CNTN4: variants seen among roughly 807,000 people sequenced by gnomAD.
CNTN4 encodes the protein contactin-4.
CNTN4 carries 77 observed loss-of-function variants against 122.5 expected under a neutral mutation model. The observed-to-expected ratio is 0.63, with a 90% CI of 0.52 to 0.76. The LOEUF is 0.76. Ranked by LOEUF, CNTN4 falls within the 30% of genes least tolerant of loss-of-function variation. The pLI is 0.00. For missense variants in CNTN4, 1,256 were observed against 1,259.1 expected (o/e 1.00, Z 0.04); for synonymous variants, 512 against 447.0 (o/e 1.15, Z -1.83).
intron 17 of CNTN4, among the ~76,000 whole-genome samples, chr3:3,035,221 T>C (rs773084411): frequency 2.6e-5 from 4 of 151,028 alleles, no homozygotes; most frequent in Non-Finnish European, 5.9e-5. Flanking sequence ...GGTGGGAGGA[T>C]TGCTTGAGCC....
chr3:2,837,648 G>C (rs2093257977), intron 7 of CNTN4, among the ~76,000 whole-genome samples: 1 of 152,176 alleles, frequency 6.6e-6, no homozygotes, highest in African/African-American at 2.4e-5. Flanking sequence ...TATGCTAAGA[G>C]GGCTAGTTCA....
chr3:2,966,628 T>A (rs1259206475), intron 13 of CNTN4, among the ~76,000 whole-genome samples: 1 of 152,124 alleles, frequency 6.6e-6, no homozygotes, highest in Non-Finnish European at 1.5e-5. Flanking sequence ...AGCACAAAAT[T>A]TGAATGTTCC....
chr3:2,258,138 G>A (rs540032421), intron 2 of CNTN4, among the ~76,000 whole-genome samples: 1 of 152,310 alleles, frequency 6.6e-6, no homozygotes, highest in Admixed American at 6.5e-5. Context: ...CTTTTACACT[G>A]TTGGTGGGAG....
At chr3:2,340,308 C>G (rs763254097) in intron 3 of CNTN4, among the ~76,000 whole-genome samples, 2 of 151,822 alleles carry the variant, frequency 1.3e-5, no homozygotes, top group Non-Finnish European at 2.9e-5. Context: ...GGTCTCATTC[C>G]ATTGGTATAC....
Position 2,160,654 on chromosome 3 carries a change from C to T in CNTN4, c.-145+60015C>T, listed in dbSNP as rs556510901. On this transcript the variant is annotated intron_variant, in intron 2 of 24. Transcript: ENST00000418658. Reference sequence around the variant, plus strand: ...TCTGATCACCTGTCTATGTTTGTGTCATCACACAGCTCTAGCAATGTTTCC... The same window carrying T: ...TCTGATCACCTGTCTATGTTTGTGTTATCACACAGCTCTAGCAATGTTTCC... Among the ~76,000 whole-genome samples, 49 of 152,246 alleles carry T rather than the reference C, an allele frequency of 3.2e-4. 1 individual carries two copies. In the South Asian group the frequency reaches 6.2e-3, roughly 19 times the overall value.
At chr3:2,425,303 C>T (rs989285458) in intron 3 of CNTN4, among the ~76,000 whole-genome samples, 30 of 152,130 alleles carry the variant, frequency 2.0e-4, no homozygotes, top group Non-Finnish European at 4.0e-4. Context: ...AGCCAGTTTT[C>T]CCAGCACCAT....
rs149878023 is a variant in CNTN4 at position 2,738,656 on chromosome 3, A to C, written c.182+2315A>C. 2.8e-3 allele frequency among the ~76,000 whole-genome samples: 427 copies of C among 152,334 alleles called. 1 individual carries two copies. Among genetic ancestry groups the C allele is most frequent in the South Asian group, 0.022 (107 of 4,824 alleles). On this transcript the variant is annotated intron_variant, in intron 5 of 24. Transcript: ENST00000418658. ...ATAAAAAGAAAAGTTAAAATTCATG[A>C]CAACATTAGAAACAAATTTTTAAAA...
At position 2,902,998 on chromosome 3, in the gene CNTN4, T is replaced by C. The variant is rs1473592917; in HGVS notation, c.1200T>C (p.Ser400=). ...TTATCTTTTCCAACGCAGAGCTTAG[T>C]GTTATAGGTGAGTCTTTATACTGGC... ...HGVIFSNAEL[S]VIAVGPDFSR... The change falls in exon 12 of 25, where the codon AGT becomes AGC. Residue 400 remains serine (S), a synonymous_variant. Transcript: ENST00000418658. The C allele has an allele frequency of 6.2e-7, 1 of 1,613,616 alleles. No homozygotes were observed.
chr3:2,722,761 A>G (rs747325083), intron 4 of CNTN4, among the ~76,000 whole-genome samples: 44 of 152,234 alleles, frequency 2.9e-4, no homozygotes, highest in Non-Finnish European at 5.4e-4. Flanking sequence ...AATGACATAG[A>G]AAAGGCAGAA....
At chr3:2,234,193 A>G (rs2039593049) in intron 2 of CNTN4, among the ~76,000 whole-genome samples, 1 of 151,988 alleles carries the variant, frequency 6.6e-6, no homozygotes, top group African/African-American at 2.4e-5. Context: ...AGCCTGACCA[A>G]TATGGTGAAA....
At chr3:2,758,931 T>C (rs1029451096) in intron 6 of CNTN4, among the ~76,000 whole-genome samples, 2 of 152,162 alleles carry the variant, frequency 1.3e-5, no homozygotes, top group Admixed American at 1.3e-4. Context: ...GTCACCACTG[T>C]CTAATTTCAG....
At chr3:2,520,259 C>CTTTTTTTTTTTTTTTTT (rs397988483) in intron 3 of CNTN4, among the ~76,000 whole-genome samples, 8 of 74,466 alleles carry the variant, frequency 1.1e-4, no homozygotes, top group African/African-American at 3.6e-4. Flanking sequence ...TGATTGCTTC[C>CTTTTTTTTTTTTTTTTT]TTTTTTTTTT....
intron 2 of CNTN4, among the ~76,000 whole-genome samples, chr3:2,298,465 A>G (rs1317127816): frequency 1.3e-5 from 2 of 152,192 alleles, no homozygotes; most frequent in Non-Finnish European, 2.9e-5. Context: ...CATTCTGTGT[A>G]TATCAAAATG....
In CNTN4 at chr3:2,219,110, A is replaced by G. The variant is rs1312339528; in HGVS notation, c.-145+118471A>G. ...CAGATTTTATCTTCCATAAATGCTT[A>G]GATTCATAGAAATGGTGAGTTGGCT... On this transcript the variant is annotated intron_variant, in intron 2 of 24. Transcript: ENST00000418658. Among the ~76,000 whole-genome samples, 3 of 152,336 alleles carry G rather than the reference A, an allele frequency of 2.0e-5. No individual in the cohort carries two copies. The East Asian group carries it at 5.8e-4, about 29-fold the overall frequency.
At chr3:2,332,303 T>C (rs1260765379) in intron 2 of CNTN4, among the ~76,000 whole-genome samples, 2 of 152,192 alleles carry the variant, frequency 1.3e-5, no homozygotes, top group Non-Finnish European at 2.9e-5. Context: ...TTGAGATGTA[T>C]TCTCTTCTCA....
intron 10 of CNTN4, among the ~76,000 whole-genome samples, chr3:2,899,010 A>C (rs564086286): frequency 6.6e-6 from 1 of 152,292 alleles, no homozygotes; most frequent in South Asian, 2.1e-4. Context: ...ATGTTTGTTG[A>C]TGTTCTAAAT....
intron 2 of CNTN4, among the ~76,000 whole-genome samples, chr3:2,235,279 T>A (rs536009952): frequency 6.6e-6 from 1 of 152,338 alleles, no homozygotes; most frequent in South Asian, 2.1e-4. Context: ...TTATGCATGC[T>A]ATGATAACCT....
At chr3:2,714,199 T>A (rs73009806) in intron 4 of CNTN4, among the ~76,000 whole-genome samples, 16,721 of 152,010 alleles carry the variant, frequency 0.11, 1,260 homozygotes, top group East Asian at 0.39. Flanking sequence ...ACAATTTTTT[T>A]AAAAAAATCA....
intron 2 of CNTN4, among the ~76,000 whole-genome samples, chr3:2,271,131 T>A (rs1246626829): frequency 7.7e-6 from 1 of 130,272 alleles, no homozygotes; most frequent in Non-Finnish European, 1.8e-5. Flanking sequence ...ATAATAAAAC[T>A]CTTTAGAATT....
Sources: gnomAD v4.1 joint callset for allele counts (sites outside exome capture counted in the v4.1 genomes callset) on GRCh38, gnomAD v4.1.1 for gene constraint, MANE v1.5 for transcripts, NCBI Gene and HGNC (gene_info 2026-07-23, HGNC 2026-07-21) for gene names.